Variants in IL20RB observed in about 807,000 individuals in gnomAD.
IL20RB encodes interleukin 20 receptor subunit beta.
A neutral mutation model predicts 33.3 loss-of-function variants in IL20RB; 21 were observed. That is an observed-to-expected ratio of 0.63 (90% confidence interval 0.45 to 0.91). The LOEUF is 0.91. Among genes scored for constraint, IL20RB ranks in the 40% least tolerant of loss-of-function variants. The pLI is 0.00. For synonymous variants in IL20RB, 147 were observed against 146.8 expected (o/e 1.00, Z -0.01); for missense variants, 345 against 384.8 (o/e 0.90, Z 0.86).
chr3:136,985,991 C>T (rs986837931), intron 3 of IL20RB, among the ~76,000 whole-genome samples: 1 of 152,142 alleles, frequency 6.6e-6, no homozygotes, highest in East Asian at 1.9e-4. Context: ...CATGGTGGCT[C>T]ATGCCTGTAA....
At chr3:136,961,692 A>C (rs990779137) in intron 1 of IL20RB, among the ~76,000 whole-genome samples, 4 of 152,170 alleles carry the variant, frequency 2.6e-5, no homozygotes, top group African/African-American at 9.7e-5. Flanking sequence ...ATTCAAATAA[A>C]GTCTGGAGTT....
At chr3:136,994,955 A>G (rs1942097814) in intron 5 of IL20RB, among the ~76,000 whole-genome samples, 1 of 152,204 alleles carries the variant, frequency 6.6e-6, no homozygotes, top group Non-Finnish European at 1.5e-5. Flanking sequence ...TGTTTTCTGA[A>G]CAATTTCCTC....
chr3:137,003,755 T>C (rs1193392376), intron 6 of IL20RB, among the ~76,000 whole-genome samples: 1 of 152,206 alleles, frequency 6.6e-6, no homozygotes, highest in African/African-American at 2.4e-5. Context: ...GAGTACCCTT[T>C]ATTTCCTTCT....
chr3:137,006,539 C>T (rs947183173), intron 6 of IL20RB, among the ~76,000 whole-genome samples: 23 of 151,870 alleles, frequency 1.5e-4, no homozygotes, highest in Non-Finnish European at 2.9e-5. Context: ...GACTGATATC[C>T]TTTCTTCCAC....
chr3:136,985,032 G>C (rs995545708), intron 3 of IL20RB, among the ~76,000 whole-genome samples: 2 of 152,196 alleles, frequency 1.3e-5, no homozygotes, highest in African/African-American at 4.8e-5. Flanking sequence ...AGATAAGGGA[G>C]TGCCTACAAA....
chr3:136,975,072 A>T (rs1941582443), intron 1 of IL20RB, among the ~76,000 whole-genome samples: 1 of 151,872 alleles, frequency 6.6e-6, no homozygotes, highest in Admixed American at 6.5e-5. Flanking sequence ...AGCTTCTTTA[A>T]TATCAGTGTG....
intron 1 of IL20RB, among the ~76,000 whole-genome samples, chr3:136,967,296 T>C (rs1185651461): frequency 1.4e-5 from 2 of 144,358 alleles, no homozygotes; most frequent in Non-Finnish European, 3.0e-5. Context: ...GACAGTGGGG[T>C]GTTAAAGTCT....
At chr3:136,963,873 G>C (rs1341772764) in intron 1 of IL20RB, among the ~76,000 whole-genome samples, 1 of 82,708 alleles carries the variant, frequency 1.2e-5, no homozygotes, top group African/African-American at 4.8e-5. Context: ...TCCCCAGAGT[G>C]TGATATTCCC....
At chr3:136,962,696 G>T (rs1025964261) in intron 1 of IL20RB, among the ~76,000 whole-genome samples, 1 of 150,456 alleles carries the variant, frequency 6.6e-6, no homozygotes, top group African/African-American at 2.5e-5. Flanking sequence ...AGGTTGCAGC[G>T]AGCCGAGATT....
chr3:136,989,572 C>T lies in IL20RB; in HGVS notation c.531+7C>T, dbSNP rs769212466. 6.2e-6 allele frequency: 10 copies of T among 1,613,558 alleles called. No individual in the cohort carries two copies. The Admixed American group carries it at 1.5e-4, about 24-fold the overall frequency. Reference sequence around the variant, plus strand: ...GAGGGAGCCTGGTGCCGAGGTGAGACTCCAGCCTTGGCCTTTGGGTCAGGC... The same window carrying T: ...GAGGGAGCCTGGTGCCGAGGTGAGATTCCAGCCTTGGCCTTTGGGTCAGGC... On this transcript the variant is annotated splice_region_variant and intron_variant, in intron 4 of 6. Coordinates refer to ENST00000329582, the MANE Select transcript of IL20RB (RefSeq NM_144717.4).
intron 6 of IL20RB, among the ~76,000 whole-genome samples, chr3:136,999,838 T>C (rs1385670704): frequency 6.6e-6 from 1 of 152,200 alleles, no homozygotes; most frequent in Non-Finnish European, 1.5e-5. Context: ...TCCATTTGTT[T>C]CTTTTTTATA....
At chr3:136,962,521 G>GA (rs1462710499) in intron 1 of IL20RB, among the ~76,000 whole-genome samples, 48 of 152,088 alleles carry the variant, frequency 3.2e-4, no homozygotes, top group African/African-American at 1.1e-3. Context: ...TGGGAGGCCA[G>GA]GGCAGGTGGA....
rs545842709 is a variant in IL20RB, at chr3:137,002,174, T to C, written c.825+6618T>C. Among the ~76,000 whole-genome samples, 21 of 152,364 alleles carry C rather than the reference T, an allele frequency of 1.4e-4. No homozygotes were observed. The South Asian group carries it at 1.9e-3, about 14-fold the overall frequency. ...CACATTTTCTTAATCCAGTCTATCATTGATGGACATTTGGGTTGGTTCCAA... is the reference window on the plus strand; with the variant it reads ...CACATTTTCTTAATCCAGTCTATCACTGATGGACATTTGGGTTGGTTCCAA... On this transcript the variant is annotated intron_variant, in intron 6 of 6. Transcript: ENST00000329582.
At chr3:136,986,224 TAA>T (rs1941894371) in intron 3 of IL20RB, among the ~76,000 whole-genome samples, 1 of 98,508 alleles carries the variant, frequency 1.0e-5, no homozygotes, top group Non-Finnish European at 2.0e-5. Context: ...AATAAATAAA[TAA>T]ATAAATAAAT....
intron 3 of IL20RB, among the ~76,000 whole-genome samples, chr3:136,984,420 GA>G (rs1324377329): frequency 2.0e-5 from 3 of 151,978 alleles, no homozygotes; most frequent in Non-Finnish European, 4.4e-5. Context: ...AAGGAGCAAG[GA>G]ATGGGTGGGA....
At chr3:136,962,681 G>A (rs972171327) in intron 1 of IL20RB, among the ~76,000 whole-genome samples, 2 of 151,564 alleles carry the variant, frequency 1.3e-5, no homozygotes, top group Non-Finnish European at 2.9e-5. Context: ...GAACCTGGGA[G>A]GCAGAGGTTG....
At chr3:136,986,725 T>C (rs1941907612) in intron 3 of IL20RB, 1 of 456,732 alleles carries the variant, frequency 2.2e-6, no homozygotes, top group Non-Finnish European at 4.4e-6. Flanking sequence ...TCCACTTGTG[T>C]CCGGAATTGG....
At chr3:137,009,041 G>A (rs186576737) in intron 6 of IL20RB, among the ~76,000 whole-genome samples, 9 of 152,292 alleles carry the variant, frequency 5.9e-5, no homozygotes, top group Non-Finnish European at 1.0e-4. Flanking sequence ...TAACACCCCC[G>A]CTTAGTGAAT....
intron 6 of IL20RB, among the ~76,000 whole-genome samples, chr3:136,998,948 T>A (rs1942187960): frequency 6.6e-6 from 1 of 152,232 alleles, no homozygotes. Context: ...TTGCTGGTTT[T>A]AAATTACCAT....
Sources: allele counts gnomAD v4.1 joint callset (sites outside exome capture counted in the v4.1 genomes callset), GRCh38; gene constraint gnomAD v4.1.1; transcripts MANE v1.5; gene names NCBI Gene and HGNC (gene_info 2026-07-23, HGNC 2026-07-21).